REEP5: variants seen among roughly 807,000 people sequenced by gnomAD.
REEP5 encodes the protein receptor accessory protein 5.
A neutral mutation model predicts 22.4 loss-of-function variants in REEP5; 24 were observed. That is an observed-to-expected ratio of 1.07 (90% CI 0.78 to 1.51). REEP5 has a LOEUF of 1.51. Among genes scored for constraint, REEP5 ranks in the 40% most tolerant of loss-of-function variants. The pLI is 0.00. For missense variants in REEP5, 252 were observed against 233.0 expected, an observed-to-expected ratio of 1.08 and a Z score of -0.53; for synonymous variants, 103 against 88.6, an observed-to-expected ratio of 1.16 and a Z score of -0.92.
Position 112,914,640 on chromosome 5 carries a change from T to C in REEP5, c.212+6523A>G, listed in dbSNP as rs116135661. Among the ~76,000 whole-genome samples the C allele has an allele frequency of 7.7e-3, 1,175 of 152,312 alleles. 18 individuals are homozygous for C. The highest frequency in any genetic ancestry group is 0.026 in the African/African-American group (1,100 of 41,572). On this transcript the variant is annotated intron_variant, in intron 2 of 4. Coordinates refer to ENST00000379638, the MANE Select transcript of REEP5 (RefSeq NM_005669.5). ...AAGTATCTGTGTCAGATTGGTATCA[T>C]AAAGTTTAACTTAATCTCAAGTAAC...
chr5:112,892,128 A>G, intron 3 of REEP5: 1 of 1,614,124 alleles, frequency 6.2e-7, no homozygotes, highest in South Asian at 1.1e-5. Context: ...ACCCAGAACC[A>G]CCCGTGGATT....
chr5:112,908,803 C>G (rs988371907), intron 2 of REEP5, among the ~76,000 whole-genome samples: 4 of 152,036 alleles, frequency 2.6e-5, no homozygotes, highest in Non-Finnish European at 5.9e-5. Flanking sequence ...GATCCGCCCA[C>G]CTCGGCCTCC....
chr5:112,914,887 G>A (rs1769198494), intron 2 of REEP5, among the ~76,000 whole-genome samples: 1 of 152,128 alleles, frequency 6.6e-6, no homozygotes, highest in South Asian at 2.1e-4. Context: ...TGAAGTCAGG[G>A]TACGTTTCTA....
chr5:112,912,021 A>G (rs937659909), intron 2 of REEP5, among the ~76,000 whole-genome samples: 8 of 152,188 alleles, frequency 5.3e-5, no homozygotes, highest in Admixed American at 2.6e-4. Flanking sequence ...GATTAAGTCA[A>G]TTTTCCTCTT....
At chr5:112,883,589 T>C (rs950200445) in intron 4 of REEP5, among the ~76,000 whole-genome samples, 6 of 152,212 alleles carry the variant, frequency 3.9e-5, no homozygotes, top group South Asian at 2.1e-4. Flanking sequence ...CTAACTACAC[T>C]ACCTTCGTGA....
intron 3 of REEP5, among the ~76,000 whole-genome samples, chr5:112,888,622 G>T (rs1768337374): frequency 6.6e-6 from 1 of 151,344 alleles, no homozygotes; most frequent in African/African-American, 2.4e-5. Flanking sequence ...AGAGACAAGT[G>T]TCACAATGTT....
At chr5:112,921,446 A>ATAC in intron 1 of REEP5, 190 bp from the exon 2 acceptor site, 1 of 619,456 alleles carries the variant, frequency 1.6e-6, no homozygotes, top group South Asian at 1.9e-5. Context: ...AAGTCTGGGG[A>ATAC]TACCAGGCAG....
rs1767898805 is a variant in REEP5 at position 112,876,505 on chromosome 5, C to A, written c.*2281G>T. ...TTTCTTCAGCTGTGAGTAGAGGAGT[C>A]TTCCCGAGAGTAGCAGTTGTTGATC... On this transcript the variant is annotated 3_prime_UTR_variant, in exon 5 of 5. Coordinates refer to ENST00000379638, the MANE Select transcript of REEP5 (RefSeq NM_005669.5). 1 of 152,196 alleles carries A rather than the reference C, an allele frequency of 6.6e-6. No individual in the cohort carries two copies. The highest frequency in any genetic ancestry group is 2.1e-4 in the South Asian group (1 of 4,834). 9.4% of individuals were successfully genotyped at this position (152,196 alleles called of 1,614,324 possible).
At position 112,922,174 on chromosome 5, in the gene REEP5, C is replaced by T. The variant is rs369235941; in HGVS notation, c.17G>A (p.Arg6Lys). 3.1e-6 allele frequency: 5 copies of T among 1,607,494 alleles called. No homozygotes were observed. The highest frequency in any genetic ancestry group is 1.7e-5 in the Admixed American group (1 of 59,146). ...GTGCAGGAACCGGTCGAACCTCTCC[C>T]TCATGGCCGCAGACATGGCGGGGAC... is the stretch of plus-strand genomic sequence containing the variant. MSAAM[R>K]ERFDRFLHEK... The change falls in exon 1 of 5, where the codon AGG (arginine) becomes AAG (lysine). Residue 6 changes from arginine to lysine, a missense_variant. Physicochemically the swap from Arg to Lys is conservative, Grantham distance 26. Transcript: ENST00000379638.
intron 2 of REEP5, among the ~76,000 whole-genome samples, chr5:112,906,653 T>C (rs1337876538): frequency 2.0e-5 from 3 of 152,166 alleles, no homozygotes; most frequent in Non-Finnish European, 4.4e-5. Flanking sequence ...GGTGTCCTAG[T>C]CCACTGGTCC....
intron 2 of REEP5, 118 bp from the exon 3 acceptor site, chr5:112,902,636 C>A: frequency 1.2e-6 from 1 of 847,456 alleles, no homozygotes; most frequent in South Asian, 2.1e-5. Flanking sequence ...CATGTAGGCA[C>A]TGTGTCACTA....
chr5:112,889,135 T>C (rs1428368200), intron 3 of REEP5, among the ~76,000 whole-genome samples: 1 of 150,852 alleles, frequency 6.6e-6, no homozygotes, highest in Non-Finnish European at 1.5e-5. Flanking sequence ...ATTAAACCTC[T>C]TTCCTTTATA....
rs1767901540 is a variant in REEP5 at position 112,876,564 on chromosome 5, T to G, written c.*2222A>C. The G allele has an allele frequency of 6.6e-6, 1 of 152,212 alleles. No homozygotes were observed. Among genetic ancestry groups the G allele is most frequent in the African/African-American group, 2.4e-5 (1 of 41,460 alleles). The allele number at this position is 152,212 out of a possible 1,614,324, so 9.4% of individuals were successfully genotyped here. On this transcript the variant is annotated 3_prime_UTR_variant, in exon 5 of 5. Coordinates refer to ENST00000379638, the MANE Select transcript of REEP5 (RefSeq NM_005669.5). ...TGAAGCCTTCAGGTAAGGGAATAAC[T>G]GCTGCAGGAATTCTTTCTTGAAGAA...
rs761628216 is a variant in REEP5 at position 112,878,759 on chromosome 5, G to C, written c.*27C>G. 2.5e-6 allele frequency: 4 copies of C among 1,614,020 alleles called. No individual in the cohort carries two copies. The highest frequency in any genetic ancestry group is 1.1e-5 in the South Asian group (1 of 91,052). On this transcript the variant is annotated 3_prime_UTR_variant, in exon 5 of 5. Transcript: ENST00000379638. ...AAGCTCCAGTAGGAAGGTACAGAGA[G>C]GGCAGGAAGTTTCCATCCAGTCTGG...
chr5:112,882,250 A>G (rs1320778998), intron 4 of REEP5, among the ~76,000 whole-genome samples: 1 of 152,024 alleles, frequency 6.6e-6, no homozygotes, highest in Non-Finnish European at 1.5e-5. Flanking sequence ...ATAATCTTGT[A>G]TCAAGCATCC....
chr5:112,907,238 T>C (rs1768975920), intron 2 of REEP5, among the ~76,000 whole-genome samples: 1 of 152,154 alleles, frequency 6.6e-6, no homozygotes, highest in Admixed American at 6.5e-5. Context: ...TCCACTCTTT[T>C]ACAGGCTCCT....
Position 112,877,561 on chromosome 5 carries a change from G to T in REEP5, c.*1225C>A, listed in dbSNP as rs1197240903. 2 of 152,150 alleles carry T rather than the reference G, an allele frequency of 1.3e-5. No homozygotes were observed. Among genetic ancestry groups the T allele is most frequent in the Non-Finnish European group, 1.5e-5 (1 of 68,028 alleles). 9.4% of individuals were successfully genotyped at this position (152,150 alleles called of 1,614,324 possible). ...GAATACGGATGAGGGCATTTAAATGGACTACAAGTGACTCTGACTTGTAAA... is the reference window on the plus strand; with the variant it reads ...GAATACGGATGAGGGCATTTAAATGTACTACAAGTGACTCTGACTTGTAAA... On this transcript the variant is annotated 3_prime_UTR_variant, in exon 5 of 5. Transcript: ENST00000379638.
chr5:112,902,534 A>T lies in REEP5; in HGVS notation c.213-16T>A. On this transcript the variant is annotated splice_polypyrimidine_tract_variant and intron_variant, in intron 2 of 4. Transcript: ENST00000379638. Reference sequence around the variant, plus strand: ...AGCTTTAATTCTGAAAGGCAGTACAAAAGAAAGTATATCATTTGGTAAGAT... The same window carrying T: ...AGCTTTAATTCTGAAAGGCAGTACATAAGAAAGTATATCATTTGGTAAGAT... 1.3e-6 allele frequency: 2 copies of T among 1,562,376 alleles called. No individual in the cohort carries two copies. The highest frequency in any genetic ancestry group is 1.7e-6 in the Non-Finnish European group (2 of 1,158,818).
chr5:112,898,852 A>C (rs151977), intron 3 of REEP5, among the ~76,000 whole-genome samples: 6 of 151,970 alleles, frequency 3.9e-5, no homozygotes, highest in African/African-American at 1.5e-4. Flanking sequence ...TTTGAAATCA[A>C]CTCTTTCCAC....
Sources: allele counts gnomAD v4.1 joint callset (sites outside exome capture counted in the v4.1 genomes callset), GRCh38; gene constraint gnomAD v4.1.1; transcripts MANE v1.5; gene names NCBI Gene and HGNC (gene_info 2026-07-23, HGNC 2026-07-21).